The following NFIL3 variants were observed in gnomAD, a reference collection of about 807,000 sequenced individuals.
NFIL3 encodes nuclear factor interleukin-3-regulated protein.
In NFIL3, 5 loss-of-function variants were observed where a neutral mutation model predicts 10.0. The observed-to-expected ratio is 0.50, with a 90% CI of 0.26 to 1.06. The LOEUF is 1.06. Among genes scored for constraint, NFIL3 ranks in the 50% least tolerant of loss-of-function variants. NFIL3 has a pLI of 0.13. For synonymous variants in NFIL3, 202 were observed against 206.5 expected (o/e 0.98, Z 0.19); for missense variants, 436 against 547.6 (o/e 0.80, Z 2.03).
At chr9:91,441,338 T>C in the NFIL3 span, among the ~76,000 whole-genome samples, 1 of 152,140 alleles carries the variant, frequency 6.6e-6, no homozygotes, top group East Asian at 1.9e-4. Context: ...TGCTCTCTTT[T>C]GGTTACCATT....
the NFIL3 span, among the ~76,000 whole-genome samples, chr9:91,431,376 A>G: frequency 6.6e-6 from 1 of 152,146 alleles, no homozygotes; most frequent in Non-Finnish European, 1.5e-5. Context: ...TATGCTATAT[A>G]TGCTTCAGTT....
the NFIL3 span, among the ~76,000 whole-genome samples, chr9:91,470,813 C>T: frequency 2.6e-5 from 4 of 152,098 alleles, no homozygotes; most frequent in Non-Finnish European, 5.9e-5. Context: ...GTTCAGTTTC[C>T]ATGTAGTTGT....
the NFIL3 span, among the ~76,000 whole-genome samples, chr9:91,444,858 GA>G: frequency 6.6e-6 from 1 of 152,190 alleles, no homozygotes; most frequent in Non-Finnish European, 1.5e-5. Flanking sequence ...TGTCTTAGCT[GA>G]AGGAATCTCT....
At chr9:91,453,791 A>T in the NFIL3 span, among the ~76,000 whole-genome samples, 1 of 152,060 alleles carries the variant, frequency 6.6e-6, no homozygotes, top group Admixed American at 6.5e-5. Flanking sequence ...TAGCCACAAA[A>T]TGAGGGCAAG....
At chr9:91,447,490 CAT>C in the NFIL3 span, among the ~76,000 whole-genome samples, 3 of 152,210 alleles carry the variant, frequency 2.0e-5, no homozygotes, top group South Asian at 2.1e-4. Context: ...TCCTTGCTAA[CAT>C]ATGTTATTTT....
the NFIL3 span, among the ~76,000 whole-genome samples, chr9:91,439,745 C>T: frequency 6.6e-6 from 1 of 152,070 alleles, no homozygotes; most frequent in African/African-American, 2.4e-5. Flanking sequence ...TCGTTAAATG[C>T]TTTTTCCTTG....
chr9:91,454,149 G>T, the NFIL3 span, among the ~76,000 whole-genome samples: 4 of 150,744 alleles, frequency 2.7e-5, no homozygotes, highest in Admixed American at 6.6e-5. Context: ...CAGGAGAATC[G>T]CTTGAACCCG....
chr9:91,409,992 A>G lies in NFIL3; in HGVS notation c.743T>C (p.Met248Thr). 3 of 1,613,194 alleles carry G rather than the reference A, an allele frequency of 1.9e-6. No homozygotes were observed. Among genetic ancestry groups the G allele is most frequent in the Non-Finnish European group, 2.5e-6 (3 of 1,180,002 alleles). ...SYTASIYQNY[M>T]GNSFSGYSHS... ...TGAGTACCCAGAGAAAGAATTCCCC[A>G]TATAGTTTTGATAGATGGACGCTGT... Residue 248 changes from methionine (M) to threonine (T), a missense_variant, in exon 2 of 2, where the codon ATG becomes ACG. Around this residue, in one of 3 missense-constraint regions of NFIL3, gnomAD observed 338 missense variants for 399.9 expected, o/e 0.85. Coordinates refer to ENST00000297689, the MANE Select transcript of NFIL3 (RefSeq NM_005384.3).
chr9:91,409,287 T>C lies in NFIL3; in HGVS notation c.*59A>G. 6.8e-7 allele frequency: 1 copy of C among 1,467,976 alleles called. No homozygotes were observed. The highest frequency in any genetic ancestry group is 9.2e-7 in the Non-Finnish European group (1 of 1,092,688). 90.9% of individuals were successfully genotyped at this position (1,467,976 alleles called of 1,614,324 possible). Reference sequence around the variant, plus strand: ...AGTGAAAATTCAGCATAATACAAAATGGACTGCTCTATTGCAAATGACATC... The same window carrying C: ...AGTGAAAATTCAGCATAATACAAAACGGACTGCTCTATTGCAAATGACATC... On this transcript the variant is annotated 3_prime_UTR_variant, in exon 2 of 2. Coordinates refer to ENST00000297689, the MANE Select transcript of NFIL3 (RefSeq NM_005384.3).
chr9:91,461,634 C>T, the NFIL3 span, among the ~76,000 whole-genome samples: 1 of 152,146 alleles, frequency 6.6e-6, no homozygotes, highest in Admixed American at 6.6e-5. Flanking sequence ...GGCTTATGGC[C>T]GCGTCTCTCC....
At chr9:91,456,343 T>C in the NFIL3 span, among the ~76,000 whole-genome samples, 23 of 152,292 alleles carry the variant, frequency 1.5e-4, no homozygotes, top group African/African-American at 5.5e-4. Flanking sequence ...TTTCTATTCC[T>C]ATCAGAAGAA....
At chr9:91,461,440 AG>A in the NFIL3 span, among the ~76,000 whole-genome samples, 1 of 152,162 alleles carries the variant, frequency 6.6e-6, no homozygotes, top group Non-Finnish European at 1.5e-5. Context: ...TAGTTTTCTG[AG>A]GGTGCCATGA....
chr9:91,445,235 G>A, the NFIL3 span, among the ~76,000 whole-genome samples: 1 of 152,172 alleles, frequency 6.6e-6, no homozygotes, highest in Non-Finnish European at 1.5e-5. Flanking sequence ...AGAACCAATA[G>A]GAAACAGTGA....
the NFIL3 span, among the ~76,000 whole-genome samples, chr9:91,438,477 T>G: frequency 1.3e-5 from 2 of 152,202 alleles, no homozygotes; most frequent in African/African-American, 4.8e-5. Flanking sequence ...TTGTTGATAA[T>G]TTCCTTTGCT....
the NFIL3 span, among the ~76,000 whole-genome samples, chr9:91,458,328 G>T: frequency 6.6e-6 from 1 of 151,952 alleles, no homozygotes; most frequent in African/African-American, 2.4e-5. Flanking sequence ...TGAGATTCAG[G>T]GCTATTTAGG....
chr9:91,463,585 A>T, the NFIL3 span, among the ~76,000 whole-genome samples: 1 of 152,092 alleles, frequency 6.6e-6, no homozygotes, highest in Non-Finnish European at 1.5e-5. Context: ...CCGGCACATG[A>T]CCTGTCTTGG....
the NFIL3 span, among the ~76,000 whole-genome samples, chr9:91,471,606 G>A: frequency 2.6e-5 from 4 of 151,422 alleles, no homozygotes; most frequent in African/African-American, 9.7e-5. Context: ...TTGGTGTGCT[G>A]CACCCATTAA....
the NFIL3 span, among the ~76,000 whole-genome samples, chr9:91,444,267 T>C: frequency 6.6e-6 from 1 of 152,154 alleles, no homozygotes; most frequent in Admixed American, 6.5e-5. Context: ...CTAAGATTTA[T>C]GTGTGGTTTT....
At chr9:91,422,326 G>A (rs995014515) in intron 1 of NFIL3, among the ~76,000 whole-genome samples, 4 of 152,164 alleles carry the variant, frequency 2.6e-5, no homozygotes, top group Admixed American at 1.3e-4. Context: ...ATAGCACTGC[G>A]AGGCCACAAT....
Sources: gnomAD v4.1 joint callset for allele counts (sites outside exome capture counted in the v4.1 genomes callset) on GRCh38, gnomAD v4.1.1 for gene constraint, gnomAD v4.1.1 regional missense constraint, MANE v1.5 for transcripts, NCBI Gene and HGNC (gene_info 2026-07-23, HGNC 2026-07-21) for gene names.